The following SPOUT1 variants were observed in gnomAD, a reference collection of about 807,000 sequenced individuals.
SPOUT1 encodes 28S rRNA (uridine-N(3))-methyltransferase.
SPOUT1 carries 40 observed loss-of-function variants against 54.8 expected under a neutral mutation model. The ratio of observed to expected loss-of-function variants is 0.73; its 90% confidence interval spans 0.57 to 0.95. SPOUT1 has a LOEUF of 0.95. Ranked by LOEUF, SPOUT1 falls within the 40% of genes least tolerant of loss-of-function variation. The pLI is 0.00. For synonymous variants in SPOUT1, 193 were observed against 200.3 expected (o/e 0.96, Z 0.31); for missense variants, 437 against 499.5 (o/e 0.87, Z 1.19).
chr9:128,827,211 TC>T lies in SPOUT1; in HGVS notation c.209-21del. On this transcript the variant is annotated intron_variant, in intron 3 of 11. Coordinates refer to ENST00000361256, the MANE Select transcript of SPOUT1 (RefSeq NM_016390.4). ...GCCGCCCTGAGCAGGGGAGGGATGT[TC>T]CCAGCCAGTGTGAGAGGCAAGGGCC... 1.3e-6 allele frequency: 2 copies of T among 1,594,158 alleles called. No individual in the cohort carries two copies. The highest frequency in any genetic ancestry group is 1.7e-6 in the Non-Finnish European group (2 of 1,167,608).
rs1281478363 is a variant in SPOUT1 at position 128,822,282 on chromosome 9, G to T, written c.*483C>A. 2 of 1,590,580 alleles carry T rather than the reference G, an allele frequency of 1.3e-6. No individual in the cohort carries two copies. The highest frequency in any genetic ancestry group is 2.3e-5 in the South Asian group (2 of 88,362). On this transcript the variant is annotated 3_prime_UTR_variant, in exon 12 of 12. Transcript: ENST00000361256. Reference sequence around the variant, plus strand: ...AGGCTGCCTGGAAGAGGTGGCTTTGGGTTCATCCAGGCCCCCTGCCCACGT... The same window carrying T: ...AGGCTGCCTGGAAGAGGTGGCTTTGTGTTCATCCAGGCCCCCTGCCCACGT...
At chr9:128,828,643 T>C in intron 3 of SPOUT1, 92 bp downstream of exon 3, 1 of 1,406,326 alleles carries the variant, frequency 7.1e-7, no homozygotes, top group South Asian at 1.2e-5. Flanking sequence ...TACTGGTCTG[T>C]AAAGGCCCTT....
In SPOUT1 at chr9:128,825,908, G is replaced by A. The variant is rs1040445731; in HGVS notation, c.639+114C>T. On this transcript the variant is annotated intron_variant, in intron 7 of 11. Transcript: ENST00000361256. Reference sequence around the variant, plus strand: ...TTGCACAATTCTCTGGCCCAAATTTGCATCAGTGAGGGATTTCGGGCAGGT... The same window carrying A: ...TTGCACAATTCTCTGGCCCAAATTTACATCAGTGAGGGATTTCGGGCAGGT... 22 of 1,350,938 alleles carry A rather than the reference G, an allele frequency of 1.6e-5. No individual in the cohort carries two copies. The highest frequency in any genetic ancestry group is 2.0e-5 in the Admixed American group (1 of 49,322). The allele number at this position is 1,350,938 out of a possible 1,614,324, so 83.7% of individuals were successfully genotyped here.
At position 128,829,120 on chromosome 9, in the gene SPOUT1, C is replaced by G; in HGVS notation, c.72G>C (p.Trp24Cys). The G allele has an allele frequency of 1.2e-6, 2 of 1,613,990 alleles. No homozygotes were observed. Among genetic ancestry groups the G allele is most frequent in the Non-Finnish European group, 1.7e-6 (2 of 1,179,816 alleles). The part of the protein sequence containing the change: ...EHGQRIEWRK[W>C]KQQKKEEKKK... ...CCCACCCTTACTTACTCTGTTGCTT[C>G]CATTTTCGCCACTCAATCCTTTGGC... is the stretch of plus-strand genomic sequence containing the variant. Residue 24 changes from tryptophan (W) to cysteine (C), a missense_variant, in exon 2 of 12, where the codon TGG becomes TGC. Trp to Cys is a radical substitution (Grantham distance 215, BLOSUM62 -2). Coordinates refer to ENST00000361256, the MANE Select transcript of SPOUT1 (RefSeq NM_016390.4).
Position 128,826,005 on chromosome 9 carries a change from C to T in SPOUT1, c.639+17G>A, listed in dbSNP as rs748043751. 5 of 1,614,072 alleles carry T rather than the reference C, an allele frequency of 3.1e-6. No homozygotes were observed. Among genetic ancestry groups the T allele is most frequent in the Non-Finnish European group, 4.2e-6 (5 of 1,179,970 alleles). ...TGTGTCCTGGAGGTGTGTCCTAGCCCATCTTTCTGTTCCTACCTTTTTCAT... is the reference window on the plus strand; with the variant it reads ...TGTGTCCTGGAGGTGTGTCCTAGCCTATCTTTCTGTTCCTACCTTTTTCAT... On this transcript the variant is annotated intron_variant, in intron 7 of 11. Coordinates refer to ENST00000361256, the MANE Select transcript of SPOUT1 (RefSeq NM_016390.4). This position sits in a 1 kb window ranked among gnomAD's most constrained non-coding sequence, Gnocchi z 5.5.
Position 128,822,845 on chromosome 9 carries a change from G to T in SPOUT1, c.1063-12C>A. On this transcript the variant is annotated splice_polypyrimidine_tract_variant and intron_variant, in intron 11 of 11. Coordinates refer to ENST00000361256, the MANE Select transcript of SPOUT1 (RefSeq NM_016390.4). ...ATGAGGATGGCTTCCTGGAAGAGAAGCGTGGCAGTGGGCTGGGGCCTGGGG... is the reference window on the plus strand; with the variant it reads ...ATGAGGATGGCTTCCTGGAAGAGAATCGTGGCAGTGGGCTGGGGCCTGGGG... 1 of 1,568,758 alleles carries T rather than the reference G, an allele frequency of 6.4e-7. No individual in the cohort carries two copies. Among genetic ancestry groups the T allele is most frequent in the East Asian group, 2.3e-5 (1 of 42,910 alleles).
In SPOUT1 at chr9:128,822,739, C is replaced by A. The variant is rs754019166; in HGVS notation, c.*26G>T. The A allele has an allele frequency of 1.7e-5, 27 of 1,561,418 alleles. No individual in the cohort carries two copies. The highest frequency in any genetic ancestry group is 3.8e-5 in the Admixed American group (2 of 52,402). On this transcript the variant is annotated 3_prime_UTR_variant, in exon 12 of 12. Coordinates refer to ENST00000361256, the MANE Select transcript of SPOUT1 (RefSeq NM_016390.4). The stretch of plus-strand genomic sequence containing the variant: ...AGCCCCTGGTTTCACTGCTGCTTCA[C>A]TGATGTCCTCGGCCCCTTAGAACTT...
In SPOUT1 at chr9:128,826,368, G is replaced by A; in HGVS notation, c.508+16C>T. On this transcript the variant is annotated intron_variant, in intron 6 of 11. Coordinates refer to ENST00000361256, the MANE Select transcript of SPOUT1 (RefSeq NM_016390.4). The surrounding 1 kb of genome is among the most constrained non-coding windows in gnomAD (Gnocchi z 5.5). ...TGATCCAGGGGAAATGGGGGGGCGG[G>A]CCCATACAGCGTTACCTGCAAACTG... The A allele has an allele frequency of 3.7e-6, 6 of 1,612,900 alleles. No homozygotes were observed. Among genetic ancestry groups the A allele is most frequent in the Non-Finnish European group, 5.1e-6 (6 of 1,178,944 alleles).
Position 128,826,283 on chromosome 9 carries a change from G to T in SPOUT1, c.508+101C>A. 14 of 1,563,834 alleles carry T rather than the reference G, an allele frequency of 9.0e-6. No homozygotes were observed. The highest frequency in any genetic ancestry group is 8.8e-6 in the Non-Finnish European group (10 of 1,135,966). The stretch of plus-strand genomic sequence containing the variant: ...ATCAGACACAGGTCTTGCTCTCCCA[G>T]GCCTGCTTTCCCACCTGGACAGCGC... On this transcript the variant is annotated intron_variant, in intron 6 of 11. Coordinates refer to ENST00000361256, the MANE Select transcript of SPOUT1 (RefSeq NM_016390.4). The surrounding 1 kb of genome is among the most constrained non-coding windows in gnomAD (Gnocchi z 5.5).
rs376004424 is a variant in SPOUT1, at chr9:128,820,731, C to T, written c.*2034G>A. ...CACAGTCCTGCTAAGCCCTATCTCT[C>T]CTACCAGGTGCCCCACCTCAACCAG... On this transcript the variant is annotated 3_prime_UTR_variant, in exon 12 of 12. Coordinates refer to ENST00000361256, the MANE Select transcript of SPOUT1 (RefSeq NM_016390.4). The T allele has an allele frequency of 2.4e-4, 382 of 1,604,346 alleles. No individual in the cohort carries two copies. Among genetic ancestry groups the T allele is most frequent in the South Asian group, 4.8e-4 (43 of 89,368 alleles).
At position 128,824,793 on chromosome 9, in the gene SPOUT1, G is replaced by C. The variant is rs767788776; in HGVS notation, c.789C>G (p.Thr263=). Residue 263 remains threonine, a synonymous_variant, in exon 9 of 12, where the codon ACC becomes ACG. Transcript: ENST00000361256. ...TACTGAGGCAGGAAGCCAGTCGGAC[G>C]GTGTAGCCCCAGTAGAGACCAGCTT... ...RTKAGLYWGY[T]VRLASCLSAV... is the part of the protein sequence containing the mutation. 1.3e-5 allele frequency: 21 copies of C among 1,613,512 alleles called. No individual in the cohort carries two copies. In the East Asian group the frequency reaches 1.8e-4, roughly 14 times the overall value.
chr9:128,825,154 AG>A, intron 7 of SPOUT1, 105 bp from the exon 8 acceptor site: 2 of 792,388 alleles, frequency 2.5e-6, no homozygotes, highest in Non-Finnish European at 4.3e-6. Flanking sequence ...CAAGGGACCA[AG>A]GGGTCCAGGT....
rs1395033901 is a variant in SPOUT1 at position 128,827,143 on chromosome 9, T to C, written c.257A>G (p.Asn86Ser). 6.2e-7 allele frequency: 1 copy of C among 1,613,892 alleles called. No individual in the cohort carries two copies. The highest frequency in any genetic ancestry group is 1.3e-5 in the African/African-American group (1 of 74,934). The change falls in exon 4 of 12, where the codon AAT becomes AGT. Residue 86 changes from asparagine (N) to serine (S), a missense_variant. Physicochemically the swap from Asn to Ser is conservative, Grantham distance 46 (BLOSUM62 1). Coordinates refer to ENST00000361256, the MANE Select transcript of SPOUT1 (RefSeq NM_016390.4). ...SVALPGSILDNAQSPELRTYL... is the reference protein window; with the variant it reads ...SVALPGSILDSAQSPELRTYL... ...GGTGCGAAGCTCCGGCGACTGAGCA[T>C]TGTCCAGGATGGAGCCCGGCAGGGC...
At position 128,822,149 on chromosome 9, in the gene SPOUT1, CA is replaced by C; in HGVS notation, c.*615del. On this transcript the variant is annotated 3_prime_UTR_variant, in exon 12 of 12. Transcript: ENST00000361256. Reference sequence around the variant, plus strand: ...AGGAAAACAGAGGGAAAGAGTTAACCACCCTGGAGAGAGTTCCAGCCTCAAG... The same window carrying C: ...AGGAAAACAGAGGGAAAGAGTTAACCCCCTGGAGAGAGTTCCAGCCTCAAG... The C allele has an allele frequency of 2.8e-6, 2 of 702,886 alleles. No individual in the cohort carries two copies. The highest frequency in any genetic ancestry group is 3.8e-5 in the South Asian group (2 of 52,030). 43.5% of individuals were successfully genotyped at this position (702,886 alleles called of 1,614,324 possible). A position where few individuals can be genotyped will look rare whatever the true frequency, so the allele number is the denominator to read the frequency against.
chr9:128,828,951 G>A (rs978266587), intron 2 of SPOUT1, 91 bp from the exon 3 acceptor site: 2 of 1,581,376 alleles, frequency 1.3e-6, no homozygotes, highest in Non-Finnish European at 1.7e-6. Context: ...TGAGCAGCCA[G>A]AGGGCAGCAA....
chr9:128,829,677 C>G (rs750414645), intron 1 of SPOUT1, 68 bp downstream of exon 1: 4 of 1,252,740 alleles, frequency 3.2e-6, no homozygotes, highest in Admixed American at 4.2e-5. Flanking sequence ...CCGGCGAAGG[C>G]CCCCACGCCA....
chr9:128,828,776 C>T lies in SPOUT1; in HGVS notation c.167G>A (p.Arg56His), dbSNP rs138669669. Residue 56 changes from arginine (R) to histidine (H), a missense_variant, in exon 3 of 12, where the codon CGC becomes CAC. Coordinates refer to ENST00000361256, the MANE Select transcript of SPOUT1 (RefSeq NM_016390.4). ...TGCCGCTGCCTCCTCCTCTTCCAGG[C>T]GCTTTGCCTGTTCCTCCTGTGCCCG... is the stretch of plus-strand genomic sequence containing the variant. ...RQRAQEEQAK[R>H]LEEEEAAAEK... 1.2e-5 allele frequency: 20 copies of T among 1,614,154 alleles called. No individual in the cohort carries two copies. The highest frequency in any genetic ancestry group is 5.5e-5 in the South Asian group (5 of 91,084).
Position 128,822,805 on chromosome 9 carries a change from A to G in SPOUT1, c.1091T>C (p.Leu364Pro). 1 of 1,591,250 alleles carries G rather than the reference A, an allele frequency of 6.3e-7. No homozygotes were observed. Among genetic ancestry groups the G allele is most frequent in the Non-Finnish European group, 8.6e-7 (1 of 1,168,022 alleles). The change falls in exon 12 of 12, where the codon CTG (leucine) becomes CCG (proline). Residue 364 changes from leucine (L) to proline (P), a missense_variant. By Grantham distance (98) the Leu-to-Pro change is moderately conservative. Transcript: ENST00000361256. ...ACCCGCCTGGATGAGGCCAGGCTGC[A>G]GGGCGGCCAGGGAGATGAGGATGGC... ...EEAILISLAA[L>P]QPGLIQAGAR...
chr9:128,826,012 C>G lies in SPOUT1; in HGVS notation c.639+10G>C. On this transcript the variant is annotated intron_variant, in intron 7 of 11. Coordinates refer to ENST00000361256, the MANE Select transcript of SPOUT1 (RefSeq NM_016390.4). The surrounding 1 kb of genome is among the most constrained non-coding windows in gnomAD (Gnocchi z 5.5). ...TGGAGGTGTGTCCTAGCCCATCTTT[C>G]TGTTCCTACCTTTTTCATGCCACAG... is the stretch of plus-strand genomic sequence containing the variant. 3 of 1,614,160 alleles carry G rather than the reference C, an allele frequency of 1.9e-6. No individual in the cohort carries two copies. The highest frequency in any genetic ancestry group is 2.5e-6 in the Non-Finnish European group (3 of 1,180,026).
Sources: allele counts gnomAD v4.1 joint callset, GRCh38; gene constraint gnomAD v4.1.1; non-coding constraint Gnocchi (gnomAD v3.1); transcripts MANE v1.5; gene names NCBI Gene and HGNC (gene_info 2026-07-23, HGNC 2026-07-21).